PALLD: variants seen among roughly 807,000 people sequenced by gnomAD.
PALLD encodes the protein palladin.
In PALLD, 61 loss-of-function variants were observed where a neutral mutation model predicts 123.5. That is an observed-to-expected ratio of 0.49 (90% confidence interval 0.40 to 0.61). The LOEUF is 0.61. Among genes scored for constraint, PALLD ranks in the 20% least tolerant of loss-of-function variants. The pLI, the probability that PALLD is intolerant of heterozygous loss-of-function variation, is 0.00. For synonymous variants in PALLD, 465 were observed against 496.4 expected (o/e 0.94, Z 0.84); for missense variants, 1,273 against 1,377.0 (o/e 0.92, Z 1.20).
intron 10 of PALLD, among the ~76,000 whole-genome samples, chr4:168,824,856 C>G (rs1743205417): frequency 7.7e-6 from 1 of 130,358 alleles, no homozygotes; most frequent in Non-Finnish European, 1.6e-5. Flanking sequence ...AGTTATCACT[C>G]TGACACCCAG....
chr4:168,639,240 T>C (rs1175736895), intron 2 of PALLD, among the ~76,000 whole-genome samples: 1 of 152,234 alleles, frequency 6.6e-6, no homozygotes, highest in Non-Finnish European at 1.5e-5. Flanking sequence ...CAGTTGCCTT[T>C]ATTTTATAGA....
At chr4:168,557,668 C>G (rs1725151138) in intron 2 of PALLD, among the ~76,000 whole-genome samples, 1 of 152,326 alleles carries the variant, frequency 6.6e-6, no homozygotes, top group African/African-American at 2.4e-5. Context: ...ACACTATCCA[C>G]TGTTACGTAA....
rs1020480058 is a variant in PALLD, at chr4:168,750,256, T to G, written c.1964+38333T>G. Among the ~76,000 whole-genome samples, 3 of 152,330 alleles carry G rather than the reference T, an allele frequency of 2.0e-5. No individual in the cohort carries two copies. In the East Asian group the frequency reaches 5.8e-4, roughly 29 times the overall value. On this transcript the variant is annotated intron_variant, in intron 10 of 21. Transcript: ENST00000505667. ...ACCAATGCGCCTGGCCAGTTTCCAC[T>G]TATAAGCGAGAACATGTGGTACTTA...
chr4:168,796,088 A>G (rs1436905421), intron 10 of PALLD, among the ~76,000 whole-genome samples: 3 of 152,180 alleles, frequency 2.0e-5, no homozygotes, highest in East Asian at 1.9e-4. Flanking sequence ...TAAATGTACA[A>G]TTAAGTTCCT....
Position 168,926,392 on chromosome 4 carries a change from A to G in PALLD, c.*212A>G. 2 of 1,534,756 alleles carry G rather than the reference A, an allele frequency of 1.3e-6. No homozygotes were observed. Among genetic ancestry groups the G allele is most frequent in the East Asian group, 2.4e-5 (1 of 40,908 alleles). On this transcript the variant is annotated 3_prime_UTR_variant, in exon 22 of 22. Transcript: ENST00000505667. ...AGAAAGTGAGGACCTGTAATCCAGCATTCTTGTTAAAGCTGAAACACTGAA... is the reference window on the plus strand; with the variant it reads ...AGAAAGTGAGGACCTGTAATCCAGCGTTCTTGTTAAAGCTGAAACACTGAA...
chr4:168,822,556 G>A (rs532337244), intron 10 of PALLD, among the ~76,000 whole-genome samples: 4 of 152,264 alleles, frequency 2.6e-5, no homozygotes, highest in South Asian at 2.1e-4. Context: ...CTTCAGACAC[G>A]GAGTCCAACT....
chr4:168,766,368 C>T (rs776663789), intron 10 of PALLD, among the ~76,000 whole-genome samples: 8 of 152,124 alleles, frequency 5.3e-5, no homozygotes, highest in Non-Finnish European at 8.8e-5. Flanking sequence ...TCCTAGACTT[C>T]TCTTTAGTGA....
chr4:168,647,908 G>T (rs1474982185), intron 2 of PALLD: 1 of 151,772 alleles, frequency 6.6e-6, no homozygotes, highest in African/African-American at 2.4e-5. Flanking sequence ...AAGTTGAAAA[G>T]CTCCCATTTA....
intron 10 of PALLD, among the ~76,000 whole-genome samples, chr4:168,856,457 C>T (rs529960636): frequency 6.6e-6 from 1 of 152,298 alleles, no homozygotes; most frequent in African/African-American, 2.4e-5. Flanking sequence ...AATTTACATT[C>T]CCACCAACAA....
chr4:168,761,655 T>TTTTTG (rs1732915216), intron 10 of PALLD, among the ~76,000 whole-genome samples: 7 of 39,606 alleles, frequency 1.8e-4, no homozygotes, highest in Admixed American at 7.7e-4. Context: ...GTTTTTTTTT[T>TTTTTG]TTTTTTTTTT....
intron 2 of PALLD, among the ~76,000 whole-genome samples, chr4:168,525,959 C>T (rs1267581883): frequency 2.0e-5 from 3 of 152,100 alleles, no homozygotes; most frequent in Non-Finnish European, 1.5e-5. Flanking sequence ...ACTTATGTTG[C>T]CAATTTTAAA....
intron 2 of PALLD, among the ~76,000 whole-genome samples, chr4:168,553,514 T>C (rs1313081618): frequency 1.3e-5 from 2 of 152,228 alleles, no homozygotes; most frequent in African/African-American, 4.8e-5. Flanking sequence ...AGAATATTCC[T>C]GTGCTTGGGT....
chr4:168,702,225 A>C (rs980345432), intron 8 of PALLD, among the ~76,000 whole-genome samples: 1 of 151,998 alleles, frequency 6.6e-6, no homozygotes, highest in Non-Finnish European at 1.5e-5. Flanking sequence ...AAAGAACATC[A>C]GCTCTAGAAA....
intron 9 of PALLD, 90 bp downstream of exon 9, chr4:168,709,237 C>T: frequency 2.3e-6 from 3 of 1,332,838 alleles, no homozygotes; most frequent in Non-Finnish European, 2.1e-6. Flanking sequence ...TGGCCAGGTG[C>T]AGTGGCTCAC....
At chr4:168,718,438 A>G (rs1581132036) in intron 10 of PALLD, among the ~76,000 whole-genome samples, 1 of 152,360 alleles carries the variant, frequency 6.6e-6, no homozygotes, top group South Asian at 2.1e-4. Flanking sequence ...TTCTTAACCA[A>G]TATTTCTAAT....
At chr4:168,716,326 C>T (rs1039663226) in intron 10 of PALLD, among the ~76,000 whole-genome samples, 4 of 152,054 alleles carry the variant, frequency 2.6e-5, no homozygotes, top group African/African-American at 9.7e-5. Context: ...TACTCTAGTG[C>T]CAAAAATATG....
At chr4:168,499,169 AC>A (rs1761060366) in intron 1 of PALLD, among the ~76,000 whole-genome samples, 1 of 103,430 alleles carries the variant, frequency 9.7e-6, no homozygotes, top group Non-Finnish European at 2.0e-5. Flanking sequence ...GCCCTAAAGG[AC>A]CCTTTGTAGC....
intron 10 of PALLD, among the ~76,000 whole-genome samples, chr4:168,782,637 C>T (rs372056611): frequency 4.6e-5 from 7 of 152,074 alleles, no homozygotes; most frequent in African/African-American, 1.7e-4. Flanking sequence ...AGGCCGGTCA[C>T]GGTGGCTCAT....
intron 10 of PALLD, among the ~76,000 whole-genome samples, chr4:168,827,135 T>C (rs1347846339): frequency 6.6e-6 from 1 of 152,152 alleles, no homozygotes; most frequent in Non-Finnish European, 1.5e-5. Flanking sequence ...GTACAAACAG[T>C]CCCATTTCTT....
Sources: allele counts gnomAD v4.1 joint callset (sites outside exome capture counted in the v4.1 genomes callset), GRCh38; gene constraint gnomAD v4.1.1; transcripts MANE v1.5; gene names NCBI Gene and HGNC (gene_info 2026-07-23, HGNC 2026-07-21).